Variants in ZNF611 observed in about 807,000 individuals in gnomAD.
The protein encoded by ZNF611 is zinc finger protein 611.
ZNF611 carries 6 observed loss-of-function variants against 8.9 expected under a neutral mutation model. The observed-to-expected ratio is 0.68, with a 90% CI of 0.37 to 1.34. The LOEUF is 1.34. Ranked by LOEUF, ZNF611 falls within the 40% of genes most tolerant of loss-of-function variation. ZNF611 has a pLI of 0.02. For missense variants in ZNF611, 874 were observed against 841.3 expected, an observed-to-expected ratio of 1.04 and a Z score of -0.48; for synonymous variants, 262 against 279.7, an observed-to-expected ratio of 0.94 and a Z score of 0.63.
chr19:52,734,556 G>A (rs996533378), intron 1 of ZNF611, among the ~76,000 whole-genome samples: 3 of 149,044 alleles, frequency 2.0e-5, no homozygotes, highest in Non-Finnish European at 4.5e-5. Flanking sequence ...GGGCGCGACG[G>A]CGCCTTAGGA....
chr19:52,720,155 C>G (rs370048427), intron 3 of ZNF611, among the ~76,000 whole-genome samples: 9 of 152,334 alleles, frequency 5.9e-5, no homozygotes, highest in East Asian at 1.9e-4. Context: ...AATAGAGTCT[C>G]CTATGTCTAC....
intron 1 of ZNF611, among the ~76,000 whole-genome samples, chr19:52,731,912 G>C (rs1367644761): frequency 6.6e-6 from 1 of 151,124 alleles, no homozygotes; most frequent in Non-Finnish European, 1.5e-5. Flanking sequence ...CCAAGGTTGT[G>C]GTGAGCTGAG....
In ZNF611 at chr19:52,706,458, C is replaced by A. The variant is rs750311214; in HGVS notation, c.597G>T (p.Arg199Ser). Residue 199 changes from arginine (R) to serine (S), a missense_variant, in exon 6 of 6, where the codon AGG (arginine) becomes AGT (serine). Physicochemically the swap from Arg to Ser is moderately radical, Grantham distance 110. Coordinates refer to ENST00000652185, the MANE Select transcript of ZNF611 (RefSeq NM_001161499.2). ...AGTTATTAGAAATCTGGGTTTGGGG[C>A]CTACAGGAAATTCTTTGGAATGTTG... ...SVSTFQRISCRPQTQISNNYG... is the reference protein window; with the variant it reads ...SVSTFQRISCSPQTQISNNYG... 1.9e-6 allele frequency: 3 copies of A among 1,614,030 alleles called. No homozygotes were observed. The highest frequency in any genetic ancestry group is 2.5e-6 in the Non-Finnish European group (3 of 1,180,018).
intron 5 of ZNF611, among the ~76,000 whole-genome samples, chr19:52,711,537 G>A (rs1432965479): frequency 6.6e-6 from 1 of 152,144 alleles, no homozygotes; most frequent in Middle Eastern, 3.2e-3. Flanking sequence ...GCGCAGGCAG[G>A]ACAGGAAATG....
intron 1 of ZNF611, among the ~76,000 whole-genome samples, chr19:52,734,494 C>T (rs1407917635): frequency 2.9e-5 from 4 of 137,318 alleles, no homozygotes; most frequent in African/African-American, 5.3e-5. Flanking sequence ...GAGGGGAGAC[C>T]TGGGGAGCAG....
intron 2 of ZNF611, among the ~76,000 whole-genome samples, chr19:52,729,142 T>C (rs2147447827): frequency 6.6e-6 from 1 of 152,218 alleles, no homozygotes; most frequent in Non-Finnish European, 1.5e-5. Context: ...GCAAAAAACA[T>C]ATCACTGTCA....
intron 3 of ZNF611, among the ~76,000 whole-genome samples, chr19:52,721,696 A>AGAGGGAGAGAGG (rs2062360982): frequency 6.6e-6 from 1 of 150,568 alleles, no homozygotes; most frequent in African/African-American, 2.5e-5. Context: ...AGAGGGAGGG[A>AGAGGGAGAGAGG]GAGGGAGAGG....
Position 52,705,818 on chromosome 19 carries a change from G to A in ZNF611, c.1237C>T (p.Leu413=), listed in dbSNP as rs2062238154. The A allele has an allele frequency of 1.2e-6, 2 of 1,613,964 alleles. No homozygotes were observed. The highest frequency in any genetic ancestry group is 1.7e-6 in the Non-Finnish European group (2 of 1,179,984). ...CDTAFTWHSQ[L]ARHRRIHTAK... ...GTATGAATTCTTCTATGTCGAGCCA[G>A]CTGTGAATGCCACGTGAAAGCTGTG... The change falls in exon 6 of 6, where the codon CTG becomes TTG. Residue 413 remains leucine (L), a synonymous_variant. Transcript: ENST00000652185.
In ZNF611 at chr19:52,704,280, T is replaced by C; in HGVS notation, c.*657A>G. 3.8e-6 allele frequency: 2 copies of C among 519,712 alleles called. No individual in the cohort carries two copies. Among genetic ancestry groups the C allele is most frequent in the Non-Finnish European group, 7.7e-6 (2 of 260,894 alleles). 32.2% of individuals were successfully genotyped at this position (519,712 alleles called of 1,614,324 possible). A position where few individuals can be genotyped will look rare whatever the true frequency, so the allele number is the denominator to read the frequency against. ...ACTCATTTCATTGGGAACGGTTATCTCAAAAATGAATTTTCTGATGTTCTG... is the reference window on the plus strand; with the variant it reads ...ACTCATTTCATTGGGAACGGTTATCCCAAAAATGAATTTTCTGATGTTCTG... On this transcript the variant is annotated 3_prime_UTR_variant, in exon 6 of 6. Coordinates refer to ENST00000652185, the MANE Select transcript of ZNF611 (RefSeq NM_001161499.2).
At position 52,705,384 on chromosome 19, in the gene ZNF611, A is replaced by G. The variant is rs970807668; in HGVS notation, c.1671T>C (p.Thr557=). ...FACHSYLAKH[T]RIHSGEKPYK... is the part of the protein sequence containing the mutation. ...AAGGTTTCTCTCCACTATGAATTCT[A>G]GTATGTTTTGCCAGATAGGAATGAC... is the stretch of plus-strand genomic sequence containing the variant. The change falls in exon 6 of 6, where the codon ACT becomes ACC. Residue 557 remains threonine, a synonymous_variant. Coordinates refer to ENST00000652185, the MANE Select transcript of ZNF611 (RefSeq NM_001161499.2). 1.9e-6 allele frequency: 3 copies of G among 1,613,654 alleles called. No homozygotes were observed. The African/African-American group carries it at 4.0e-5, about 22-fold the overall frequency.
rs112008829 is a variant in ZNF611 at position 52,712,551 on chromosome 19, T to C, written c.190+1464A>G. Among the ~76,000 whole-genome samples the C allele has an allele frequency of 6.8e-3, 1,013 of 148,344 alleles. 9 individuals are homozygous for C. The highest frequency in any genetic ancestry group is 0.023 in the African/African-American group (923 of 39,980). The stretch of plus-strand genomic sequence containing the variant: ...CTACTTAGGAGGCTGAGGTAGCAGA[T>C]TGCTTGAACCCAGGAGGCAGAGGTT... On this transcript the variant is annotated intron_variant, in intron 5 of 5. Transcript: ENST00000652185.
intron 3 of ZNF611, among the ~76,000 whole-genome samples, chr19:52,722,047 C>T (rs1346132664): frequency 1.3e-5 from 2 of 151,022 alleles, no homozygotes; most frequent in Non-Finnish European, 2.9e-5. Flanking sequence ...CAAAACTCCA[C>T]TGCAAAATAA....
Position 52,706,505 on chromosome 19 carries a change from T to C in ZNF611, c.550A>G (p.Thr184Ala), listed in dbSNP as rs1871144819. Reference protein sequence around the residue: ...GEIGNQLEKSTNDAPSVSTFQ... With the variant: ...GEIGNQLEKSANDAPSVSTFQ... ...GTTGAAACTGAGGGAGCATCATTAG[T>C]AGACTTCTCAAGTTGATTACCAATT... The change falls in exon 6 of 6, where the codon ACT becomes GCT. Residue 184 changes from threonine to alanine, a missense_variant. Thr to Ala is a moderately conservative substitution (Grantham distance 58). Transcript: ENST00000652185. 3 of 1,614,072 alleles carry C rather than the reference T, an allele frequency of 1.9e-6. No individual in the cohort carries two copies. The highest frequency in any genetic ancestry group is 2.2e-5 in the East Asian group (1 of 44,894).
rs1256068567 is a variant in ZNF611, at chr19:52,706,043, T to C, written c.1012A>G (p.Thr338Ala). 1.2e-6 allele frequency: 2 copies of C among 1,614,122 alleles called. No individual in the cohort carries two copies. Among genetic ancestry groups the C allele is most frequent in the Non-Finnish European group, 1.7e-6 (2 of 1,179,996 alleles). ...TTACACTTGTAAGGATTTTCTCCAG[T>C]ATCAATTGCCTTATCAATTAGAAGG... ...SALLIDKAID[T>A]GENPYKCNEC... The change falls in exon 6 of 6, where the codon ACT becomes GCT. Residue 338 changes from threonine to alanine, a missense_variant. Thr to Ala is a moderately conservative substitution (Grantham distance 58). Transcript: ENST00000652185.
chr19:52,720,011 A>C (rs1044190224), intron 3 of ZNF611, among the ~76,000 whole-genome samples: 4 of 152,142 alleles, frequency 2.6e-5, no homozygotes, highest in Non-Finnish European at 5.9e-5. Context: ...TTAACAAAGC[A>C]CATCTTGCAC....
At chr19:52,725,197 A>G (rs1294528773) in intron 3 of ZNF611, among the ~76,000 whole-genome samples, 1 of 152,166 alleles carries the variant, frequency 6.6e-6, no homozygotes, top group Non-Finnish European at 1.5e-5. Context: ...GACCTCCCCA[A>G]CGCTGGCTCA....
Position 52,705,836 on chromosome 19 carries a change from A to G in ZNF611, c.1219T>C (p.Phe407Leu). Residue 407 changes from phenylalanine to leucine, a missense_variant, in exon 6 of 6, where the codon TTC becomes CTC. Transcript: ENST00000652185. ...PYRCKVCDTA[F>L]TWHSQLARHR... ...CGAGCCAGCTGTGAATGCCACGTGA[A>G]AGCTGTGTCACAAACCTTACATCTG... 1 of 1,613,898 alleles carries G rather than the reference A, an allele frequency of 6.2e-7. No homozygotes were observed. Among genetic ancestry groups the G allele is most frequent in the Non-Finnish European group, 8.5e-7 (1 of 1,180,000 alleles).
At chr19:52,725,941 C>T (rs2062390092) in intron 3 of ZNF611, among the ~76,000 whole-genome samples, 1 of 152,146 alleles carries the variant, frequency 6.6e-6, no homozygotes, top group African/African-American at 2.4e-5. Context: ...CTCTGTTTTT[C>T]GGGTGTTTGG....
At chr19:52,726,850 CTCTT>C (rs2062396681) in intron 3 of ZNF611, among the ~76,000 whole-genome samples, 1 of 151,066 alleles carries the variant, frequency 6.6e-6, no homozygotes, top group African/African-American at 2.4e-5. Flanking sequence ...CAATTACTTT[CTCTT>C]TTTTTACTTT....
Sources: gnomAD v4.1 joint callset for allele counts (sites outside exome capture counted in the v4.1 genomes callset) on GRCh38, gnomAD v4.1.1 for gene constraint, MANE v1.5 for transcripts, NCBI Gene and HGNC (gene_info 2026-07-23, HGNC 2026-07-21) for gene names.